Variants in SULF2 observed in about 807,000 individuals in gnomAD.
The protein encoded by SULF2 is extracellular sulfatase Sulf-2.
A neutral mutation model predicts 107.7 loss-of-function variants in SULF2; 52 were observed. The observed-to-expected ratio is 0.48, with a 90% CI of 0.39 to 0.61. The LOEUF is 0.61. SULF2 is among the 20% of genes least tolerant of loss of function. SULF2 has a pLI of 0.00. For synonymous variants in SULF2, 460 were observed against 464.3 expected (o/e 0.99, Z 0.12); for missense variants, 993 against 1,177.3 (o/e 0.84, Z 2.29).
chr20:47,775,453 G>A lies in SULF2; in HGVS notation c.-101+9890C>T, dbSNP rs570312459. On this transcript the variant is annotated intron_variant, in intron 1 of 20. Transcript: ENST00000688720. ...AACCACCTGGTCAAACCACAGAATCGTCCAAAATAAAATGTTGTTACCTTA... is the reference window on the plus strand; with the variant it reads ...AACCACCTGGTCAAACCACAGAATCATCCAAAATAAAATGTTGTTACCTTA... Among the ~76,000 whole-genome samples the A allele has an allele frequency of 3.0e-4, 46 of 152,260 alleles. No homozygotes were observed. The South Asian group carries it at 6.0e-3, about 20-fold the overall frequency.
At chr20:47,724,843 T>C (rs757376654) in intron 3 of SULF2, among the ~76,000 whole-genome samples, 2 of 152,208 alleles carry the variant, frequency 1.3e-5, no homozygotes, top group African/African-American at 2.4e-5. Context: ...CTCAGCGCCA[T>C]CAGACTGACC....
At chr20:47,786,156 C>T (rs571440017), upstream of SULF2, 1 of 152,346 alleles carries the variant, frequency 6.6e-6, no homozygotes, top group Admixed American at 6.5e-5. Flanking sequence ...CTTGTGTGCA[C>T]GTGTGTGTGC....
rs750154438 is a variant in SULF2 at position 47,664,099 on chromosome 20, T to C, written c.2057+31A>G. On this transcript the variant is annotated intron_variant, in intron 15 of 20. Coordinates refer to ENST00000688720, the MANE Select transcript of SULF2 (RefSeq NM_001387048.1). ...CCACCTCCTCATGCAGGCCTCTGCA[T>C]CTCTTCCCCAGGACCTCAAGCTGCT... 5 of 1,611,590 alleles carry C rather than the reference T, an allele frequency of 3.1e-6. No homozygotes were observed. The Admixed American group carries it at 6.7e-5, about 22-fold the overall frequency.
chr20:47,776,950 C>T (rs6125112), intron 1 of SULF2, among the ~76,000 whole-genome samples: 19,595 of 152,150 alleles, frequency 0.13, 1,889 homozygotes, highest in East Asian at 0.53. Context: ...GCTCTCCAAG[C>T]CTCTTTCTTT....
chr20:47,697,041 A>C (rs761077831), intron 4 of SULF2, among the ~76,000 whole-genome samples: 16 of 152,148 alleles, frequency 1.1e-4, no homozygotes, highest in Non-Finnish European at 2.2e-4. Flanking sequence ...AGTTCATAGA[A>C]TCTGCCAGGT....
At chr20:47,755,427 A>C (rs977400209) in intron 2 of SULF2, among the ~76,000 whole-genome samples, 40 of 152,154 alleles carry the variant, frequency 2.6e-4, no homozygotes, top group Admixed American at 2.6e-3. Flanking sequence ...CAGACATGAG[A>C]CTTAGCTGGA....
intron 1 of SULF2, among the ~76,000 whole-genome samples, chr20:47,774,025 T>C (rs1189697760): frequency 6.6e-6 from 1 of 152,266 alleles, no homozygotes; most frequent in African/African-American, 2.4e-5. Flanking sequence ...CCCCTGCTAT[T>C]AGCAGATGAG....
At chr20:47,747,724 C>G (rs6125099) in intron 2 of SULF2, among the ~76,000 whole-genome samples, 65,421 of 151,770 alleles carry the variant, frequency 0.43, 14,671 homozygotes, top group African/African-American at 0.54. Context: ...AATGTCCCCC[C>G]CTTCCCCACC....
intron 11 of SULF2, among the ~76,000 whole-genome samples, chr20:47,668,706 C>T (rs1247200157): frequency 6.6e-6 from 1 of 152,208 alleles, no homozygotes; most frequent in Non-Finnish European, 1.5e-5. Flanking sequence ...TGTGGACCAG[C>T]TACTGCAGGG....
intron 1 of SULF2, among the ~76,000 whole-genome samples, chr20:47,759,502 A>G (rs2090370307): frequency 6.6e-6 from 1 of 152,164 alleles, no homozygotes; most frequent in Admixed American, 6.5e-5. Flanking sequence ...GACCAGCCTG[A>G]TCAACATGGT....
At chr20:47,774,506 T>C (rs1334027268) in intron 1 of SULF2, among the ~76,000 whole-genome samples, 1 of 152,058 alleles carries the variant, frequency 6.6e-6, no homozygotes, top group Admixed American at 6.6e-5. Context: ...GTTCTAGGAG[T>C]TGACTTTGCC....
intron 10 of SULF2, among the ~76,000 whole-genome samples, 171 bp downstream of exon 10, chr20:47,676,323 T>C (rs1278824481): frequency 6.6e-6 from 1 of 152,160 alleles, no homozygotes. Flanking sequence ...AATCACTTAT[T>C]GTGAGCATCA....
chr20:47,663,955 C>T (rs776770605), intron 15 of SULF2, among the ~76,000 whole-genome samples, 175 bp downstream of exon 15: 35 of 152,258 alleles, frequency 2.3e-4, no homozygotes, highest in Non-Finnish European at 4.3e-4. Context: ...CACAAGGGGG[C>T]GTCGGAGGCC....
At chr20:47,752,708 A>AC (rs1299524575) in intron 2 of SULF2, among the ~76,000 whole-genome samples, 1 of 152,102 alleles carries the variant, frequency 6.6e-6, no homozygotes, top group African/African-American at 2.4e-5. Flanking sequence ...TAGTGATCAC[A>AC]CCACTGCATT....
At chr20:47,697,397 C>T in intron 4 of SULF2, among the ~76,000 whole-genome samples, 1 of 152,202 alleles carries the variant, frequency 6.6e-6, no homozygotes, top group Non-Finnish European at 1.5e-5. Flanking sequence ...CCTGCCTGGG[C>T]CTCCCAACAA....
intron 1 of SULF2, among the ~76,000 whole-genome samples, chr20:47,772,663 C>T (rs11699906): frequency 0.054 from 8,225 of 152,004 alleles, 264 homozygotes; most frequent in Middle Eastern, 0.096. Flanking sequence ...GGCCCTACCC[C>T]GTCTCTTATC....
intron 20 of SULF2, 73 bp from the exon 21 acceptor site, chr20:47,658,465 TA>T: frequency 6.8e-7 from 1 of 1,478,468 alleles, no homozygotes; most frequent in Non-Finnish European, 9.5e-7. Context: ...ATCGGTCCTA[TA>T]GCTGAGGAAG....
At chr20:47,727,683 C>T (rs983897410) in intron 3 of SULF2, among the ~76,000 whole-genome samples, 5 of 152,130 alleles carry the variant, frequency 3.3e-5, no homozygotes, top group African/African-American at 1.2e-4. Context: ...TTTGTGGGCA[C>T]AGGTCACGTA....
chr20:47,738,776 A>G (rs1352063030), intron 2 of SULF2, among the ~76,000 whole-genome samples: 3 of 151,670 alleles, frequency 2.0e-5, no homozygotes, highest in African/African-American at 7.3e-5. Flanking sequence ...AGTCCATTAA[A>G]CCTCTTTTTC....
Sources: gnomAD v4.1 joint callset for allele counts (sites outside exome capture counted in the v4.1 genomes callset) on GRCh38, gnomAD v4.1.1 for gene constraint, MANE v1.5 for transcripts, NCBI Gene and HGNC (gene_info 2026-07-23, HGNC 2026-07-21) for gene names.